The following SYT1 variants were observed in gnomAD, a reference collection of about 807,000 sequenced individuals.
The protein encoded by SYT1 is synaptotagmin-1.
SYT1 carries 8 observed loss-of-function variants against 44.8 expected under a neutral mutation model. The observed-to-expected ratio is 0.18, with a 90% CI of 0.10 to 0.32. The LOEUF (loss-of-function observed/expected upper bound fraction) is 0.32, where lower values mean the gene tolerates loss of function less well. Ranked by LOEUF, SYT1 falls within the 10% of genes least tolerant of loss-of-function variation. The pLI, the probability that SYT1 is intolerant of heterozygous loss-of-function variation, is 1.00. For missense variants in SYT1, 286 were observed against 509.3 expected, an observed-to-expected ratio of 0.56 and a Z score of 4.22; for synonymous variants, 154 against 188.8, an observed-to-expected ratio of 0.82 and a Z score of 1.51.
chr12:79,260,959 G>T (rs968987166), intron 4 of SYT1, among the ~76,000 whole-genome samples: 1 of 152,134 alleles, frequency 6.6e-6, no homozygotes, highest in African/African-American at 2.4e-5. Flanking sequence ...CAGAAATCCT[G>T]CATGTCTGCA....
chr12:79,397,076 G>A (rs1392408954), intron 9 of SYT1, among the ~76,000 whole-genome samples: 1 of 152,178 alleles, frequency 6.6e-6, no homozygotes, highest in East Asian at 1.9e-4. Context: ...GGAATATCCA[G>A]GAAGCTGGAA....
intron 8 of SYT1, among the ~76,000 whole-genome samples, chr12:79,309,914 T>C (rs1166012905): frequency 6.6e-6 from 1 of 152,154 alleles, no homozygotes; most frequent in Admixed American, 6.5e-5. Flanking sequence ...TTCTGGATAT[T>C]AGCCCTTTGT....
intron 3 of SYT1, among the ~76,000 whole-genome samples, chr12:79,163,338 C>T (rs1468953159): frequency 6.6e-6 from 1 of 152,028 alleles, no homozygotes; most frequent in Non-Finnish European, 1.5e-5. Flanking sequence ...AAGAACTAAC[C>T]CATAAACATC....
rs1468218921 is a variant in SYT1, at chr12:78,925,266, G to T, written c.-216-52533G>T. Among the ~76,000 whole-genome samples the T allele has an allele frequency of 4.6e-5, 7 of 151,650 alleles. No homozygotes were observed. The Admixed American group carries it at 4.6e-4, about 10-fold the overall frequency. On this transcript the variant is annotated intron_variant, in intron 1 of 10. Transcript: ENST00000261205. ...TGGCCACAATTTATTTTATTTCTTTGCTCACCTTAGAATATATAGAAACTA... is the reference window on the plus strand; with the variant it reads ...TGGCCACAATTTATTTTATTTCTTTTCTCACCTTAGAATATATAGAAACTA...
At chr12:78,883,580 A>C (rs940083869) in intron 1 of SYT1, among the ~76,000 whole-genome samples, 3 of 151,650 alleles carry the variant, frequency 2.0e-5, no homozygotes, top group Non-Finnish European at 4.4e-5. Flanking sequence ...GGTAATTTAA[A>C]TGCTCATTTT....
At chr12:78,921,730 G>C (rs951303469) in intron 1 of SYT1, among the ~76,000 whole-genome samples, 3 of 151,852 alleles carry the variant, frequency 2.0e-5, no homozygotes, top group African/African-American at 7.2e-5. Context: ...TGCATATATA[G>C]ATATGTTCAC....
intron 4 of SYT1, among the ~76,000 whole-genome samples, chr12:79,248,757 T>C (rs979131972): frequency 9.2e-5 from 14 of 152,208 alleles, no homozygotes; most frequent in Non-Finnish European, 1.8e-4. Flanking sequence ...CAAACACCTC[T>C]GGGCCAAAAG....
intron 1 of SYT1, among the ~76,000 whole-genome samples, chr12:78,948,172 T>C (rs577621140): frequency 1.1e-4 from 16 of 151,896 alleles, no homozygotes; most frequent in African/African-American, 2.9e-4. Context: ...CTCAGTATAT[T>C]AAAGGCTTTC....
intron 1 of SYT1, 34 bp downstream of exon 1, chr12:78,865,143 G>C (rs1002115673): frequency 1.3e-5 from 2 of 152,266 alleles, no homozygotes; most frequent in Non-Finnish European, 2.9e-5. Context: ...CGGCCACCTC[G>C]GCGGTGCCTA....
Position 79,064,648 on chromosome 12 carries a change from A to G in SYT1, c.-18+17286A>G, listed in dbSNP as rs186863485. Among the ~76,000 whole-genome samples the G allele has an allele frequency of 1.8e-4, 28 of 152,204 alleles. No homozygotes were observed. In the East Asian group the frequency reaches 5.2e-3, roughly 28 times the overall value. On this transcript the variant is annotated intron_variant, in intron 3 of 10. Coordinates refer to ENST00000261205, the MANE Select transcript of SYT1 (RefSeq NM_005639.3). ...CTAAGGGATTTTACCTACCACCTAC[A>G]TATTACCATATTAAGATATTCCTGA...
intron 3 of SYT1, among the ~76,000 whole-genome samples, chr12:79,211,924 A>G (rs10861690): frequency 0.69 from 105,417 of 151,962 alleles, 36,950 homozygotes; most frequent in African/African-American, 0.73. Flanking sequence ...TTCACTATCT[A>G]TATTTAGCCA....
At chr12:78,989,572 G>A (rs770553579) in intron 2 of SYT1, among the ~76,000 whole-genome samples, 3 of 152,070 alleles carry the variant, frequency 2.0e-5, no homozygotes, top group Non-Finnish European at 4.4e-5. Flanking sequence ...ACATGCAGGA[G>A]AAAGGGATTC....
At chr12:79,195,524 A>G (rs867031900) in intron 3 of SYT1, among the ~76,000 whole-genome samples, 38 of 149,212 alleles carry the variant, frequency 2.5e-4, no homozygotes, top group South Asian at 4.2e-4. Flanking sequence ...AAAAAAAAAA[A>G]AGAGAATACA....
At chr12:78,991,549 G>A (rs1870021068) in intron 2 of SYT1, among the ~76,000 whole-genome samples, 1 of 152,036 alleles carries the variant, frequency 6.6e-6, no homozygotes, top group African/African-American at 2.4e-5. Flanking sequence ...TTGTAATTAA[G>A]AGAAGAGAAG....
intron 1 of SYT1, among the ~76,000 whole-genome samples, chr12:78,899,665 GC>G (rs1875553872): frequency 6.6e-6 from 1 of 151,430 alleles, no homozygotes; most frequent in African/African-American, 2.4e-5. Context: ...ATTTAATGTA[GC>G]GCTTAAAAAT....
At chr12:79,008,418 A>G (rs557426962) in intron 2 of SYT1, among the ~76,000 whole-genome samples, 7 of 152,188 alleles carry the variant, frequency 4.6e-5, no homozygotes, top group African/African-American at 9.6e-5. Flanking sequence ...TAATTACAAT[A>G]ATAAGCCACT....
intron 9 of SYT1, among the ~76,000 whole-genome samples, chr12:79,433,200 T>C (rs967814724): frequency 6.6e-6 from 1 of 151,926 alleles, no homozygotes; most frequent in Non-Finnish European, 1.5e-5. Context: ...GAATAGAGAG[T>C]TAATGAAAGT....
At chr12:78,965,208 T>C (rs1879707580) in intron 1 of SYT1, among the ~76,000 whole-genome samples, 1 of 152,226 alleles carries the variant, frequency 6.6e-6, no homozygotes, top group African/African-American at 2.4e-5. Context: ...TGTTGTCTGA[T>C]ATATTTCTTA....
intron 3 of SYT1, among the ~76,000 whole-genome samples, chr12:79,105,069 C>G (rs1019895589): frequency 1.3e-5 from 2 of 152,122 alleles, no homozygotes; most frequent in Non-Finnish European, 2.9e-5. Context: ...ACAGAAAGAA[C>G]AGCTAGAGCC....
Sources: allele counts gnomAD v4.1 joint callset (sites outside exome capture counted in the v4.1 genomes callset), GRCh38; gene constraint gnomAD v4.1.1; transcripts MANE v1.5; gene names NCBI Gene and HGNC (gene_info 2026-07-23, HGNC 2026-07-21).